Variants in GARIN2 observed in about 807,000 individuals in gnomAD.
GARIN2 encodes golgi associated RAB2 interactor family member 2.
At chr14:67,213,410 C>T in the GARIN2 span, among the ~76,000 whole-genome samples, 5 of 140,470 alleles carry the variant, frequency 3.6e-5, no homozygotes, top group African/African-American at 8.0e-5. Flanking sequence ...TGAGAATATG[C>T]GGTGTTTGGT....
the GARIN2 span, among the ~76,000 whole-genome samples, chr14:67,190,050 G>C: frequency 6.8e-6 from 1 of 146,504 alleles, no homozygotes; most frequent in African/African-American, 2.5e-5. Context: ...TATAGGCATC[G>C]CCCATCATGC....
At chr14:67,200,728 C>A in the GARIN2 span, among the ~76,000 whole-genome samples, 1 of 152,152 alleles carries the variant, frequency 6.6e-6, no homozygotes, top group Non-Finnish European at 1.5e-5. Context: ...ATTTGATGTA[C>A]TTTACCTTAT....
At chr14:67,199,943 C>T in the GARIN2 span, 5 of 1,389,270 alleles carry the variant, frequency 3.6e-6, no homozygotes, top group Non-Finnish European at 4.9e-6. Context: ...CAAGCTCACC[C>T]ATTCCCACCA....
At chr14:67,198,041 T>C in the GARIN2 span, 3 of 1,185,474 alleles carry the variant, frequency 2.5e-6, no homozygotes, top group Non-Finnish European at 3.5e-6. Context: ...ATCACAGATA[T>C]TGATAAAATT....
chr14:67,221,246 A>ATTTG, the GARIN2 span, among the ~76,000 whole-genome samples: 4 of 152,330 alleles, frequency 2.6e-5, no homozygotes, highest in Admixed American at 6.5e-5. Flanking sequence ...AAGTTACATT[A>ATTTG]TTTGCTACAA....
the GARIN2 span, among the ~76,000 whole-genome samples, chr14:67,209,549 GTGGC>G: frequency 6.6e-6 from 1 of 152,120 alleles, no homozygotes; most frequent in Non-Finnish European, 1.5e-5. Context: ...GCCGGGTGTG[GTGGC>G]TCATGCCTGT....
chr14:67,192,940 A>T, the GARIN2 span, among the ~76,000 whole-genome samples: 17 of 146,932 alleles, frequency 1.2e-4, no homozygotes, highest in Non-Finnish European at 1.8e-4. Context: ...AGATATCTAG[A>T]TAAATATCTC....
At chr14:67,225,924 T>TGA in the GARIN2 span, among the ~76,000 whole-genome samples, 21 of 123,880 alleles carry the variant, frequency 1.7e-4, no homozygotes, top group Admixed American at 1.7e-3. Context: ...GCTAATGCTG[T>TGA]GAGTGTGTGT....
At chr14:67,206,253 C>A in the GARIN2 span, among the ~76,000 whole-genome samples, 1 of 152,108 alleles carries the variant, frequency 6.6e-6, no homozygotes, top group Non-Finnish European at 1.5e-5. Context: ...AATCCCAGCA[C>A]TTTGGGAGAC....
chr14:67,196,343 A>C, the GARIN2 span, among the ~76,000 whole-genome samples: 1 of 151,716 alleles, frequency 6.6e-6, no homozygotes, highest in African/African-American at 2.4e-5. Context: ...CAGTCTCCCG[A>C]ATAGCTGGGA....
At chr14:67,214,089 C>T in the GARIN2 span, among the ~76,000 whole-genome samples, 2 of 152,186 alleles carry the variant, frequency 1.3e-5, no homozygotes, top group East Asian at 1.9e-4. Flanking sequence ...GAGTAGGTTG[C>T]GAAAATGTCC....
chr14:67,195,382 G>A, the GARIN2 span, among the ~76,000 whole-genome samples: 1 of 152,050 alleles, frequency 6.6e-6, no homozygotes, highest in Non-Finnish European at 1.5e-5. Context: ...TTTGCTCTCT[G>A]GAAGGAGAAT....
chr14:67,220,539 G>A, the GARIN2 span, among the ~76,000 whole-genome samples: 1 of 151,958 alleles, frequency 6.6e-6, no homozygotes, highest in South Asian at 2.1e-4. Context: ...AAATCTAGAT[G>A]AGTGAAAAAT....
the GARIN2 span, among the ~76,000 whole-genome samples, chr14:67,219,521 C>T: frequency 6.6e-6 from 1 of 152,120 alleles, no homozygotes; most frequent in Non-Finnish European, 1.5e-5. Flanking sequence ...ATCTTGCTGA[C>T]ATCACTCCCT....
chr14:67,200,685 C>G, the GARIN2 span: 48,857 of 162,506 alleles, frequency 0.3, 11,635 homozygotes, highest in African/African-American at 0.65. Context: ...TAATGTTTTA[C>G]TGATGTCCCT....
At chr14:67,224,662 T>C in the GARIN2 span, 2 of 328,420 alleles carry the variant, frequency 6.1e-6, no homozygotes, top group East Asian at 1.1e-4. Flanking sequence ...TATGGGCTTA[T>C]CTCTGATTCT....
chr14:67,225,157 A>G, the GARIN2 span: 4 of 1,585,594 alleles, frequency 2.5e-6, no homozygotes, highest in African/African-American at 5.4e-5. Context: ...AATTTCCTCA[A>G]ACTTGTGCCT....
the GARIN2 span, among the ~76,000 whole-genome samples, chr14:67,206,255 T>G: frequency 6.6e-6 from 1 of 152,000 alleles, no homozygotes; most frequent in African/African-American, 2.4e-5. Flanking sequence ...TCCCAGCACT[T>G]TGGGAGACCG....
chr14:67,224,875 T>TA, the GARIN2 span: 1 of 361,514 alleles, frequency 2.8e-6, no homozygotes, highest in African/African-American at 2.2e-5. Context: ...CCAGGCTTAA[T>TA]AAAAAAGGAG....
Sources: allele counts gnomAD v4.1 joint callset (sites outside exome capture counted in the v4.1 genomes callset), GRCh38; gene constraint gnomAD v4.1.1; transcripts MANE v1.5; gene names NCBI Gene and HGNC (gene_info 2026-07-23, HGNC 2026-07-21).